ADORA1: variants seen among roughly 807,000 people sequenced by gnomAD.
The protein encoded by ADORA1 is adenosine receptor A1.
Under a neutral mutation model 19.9 loss-of-function variants are expected in ADORA1, and 6 were observed. That is an observed-to-expected ratio of 0.30 (90% CI 0.17 to 0.59). The LOEUF (loss-of-function observed/expected upper bound fraction) is 0.59, where lower values mean the gene tolerates loss of function less well. ADORA1 is among the 20% of genes least tolerant of loss of function. The pLI is 0.87. For synonymous variants in ADORA1, 194 were observed against 188.4 expected (o/e 1.03, Z -0.24); for missense variants, 302 against 439.2 (o/e 0.69, Z 2.79).
At chr1:203,162,036 CG>C (rs1655387915) in intron 3 of ADORA1, among the ~76,000 whole-genome samples, 1 of 152,188 alleles carries the variant, frequency 6.6e-6, no homozygotes. Context: ...GCACAGCCCT[CG>C]GGGATGCTGT....
intron 3 of ADORA1, among the ~76,000 whole-genome samples, chr1:203,138,601 C>T (rs1275209187): frequency 2.0e-5 from 3 of 152,084 alleles, no homozygotes; most frequent in Admixed American, 6.5e-5. Flanking sequence ...GAATTACCAG[C>T]GGATTTTGCA....
At chr1:203,163,901 G>T (rs1655450356) in intron 3 of ADORA1, among the ~76,000 whole-genome samples, 1 of 152,152 alleles carries the variant, frequency 6.6e-6, no homozygotes, top group Non-Finnish European at 1.5e-5. Context: ...CACACTCCTG[G>T]GTCTCAGGAG....
intron 3 of ADORA1, among the ~76,000 whole-genome samples, chr1:203,151,126 G>A (rs1287543576): frequency 6.6e-6 from 1 of 152,176 alleles, no homozygotes; most frequent in Non-Finnish European, 1.5e-5. Flanking sequence ...CCCTGCAAGC[G>A]TTCAGGGTTC....
chr1:203,150,582 G>T (rs910915276), intron 3 of ADORA1: 3 of 1,275,764 alleles, frequency 2.4e-6, no homozygotes, highest in Non-Finnish European at 3.1e-6. Context: ...CTGGTTGCAA[G>T]GTGGGGAGAA....
rs186948066 is a variant in ADORA1, at chr1:203,148,948, G to C, written c.342-16313G>C. Among the ~76,000 whole-genome samples, 3 of 152,106 alleles carry C rather than the reference G, an allele frequency of 2.0e-5. No homozygotes were observed. In the East Asian group the frequency reaches 5.8e-4, roughly 29 times the overall value. Reference sequence around the variant, plus strand: ...GCTGGAGTGCAATGGCATGATTTCGGCTCACTGCAACCTCCGCCGCCCGGG... The same window carrying C: ...GCTGGAGTGCAATGGCATGATTTCGCCTCACTGCAACCTCCGCCGCCCGGG... On this transcript the variant is annotated intron_variant, in intron 3 of 3. Coordinates refer to ENST00000337894, the MANE Select transcript of ADORA1 (RefSeq NM_000674.3).
At chr1:203,149,675 C>T (rs1053225573) in intron 3 of ADORA1, among the ~76,000 whole-genome samples, 20 of 152,146 alleles carry the variant, frequency 1.3e-4, no homozygotes, top group African/African-American at 4.6e-4. Context: ...CTGTAGAAGG[C>T]CCCTCAGCTG....
intron 3 of ADORA1, among the ~76,000 whole-genome samples, chr1:203,156,229 G>A (rs537353283): frequency 1.4e-4 from 22 of 152,286 alleles, no homozygotes; most frequent in Middle Eastern, 3.4e-3. Context: ...AGATAGGGGG[G>A]AAGAGAGGGT....
At chr1:203,162,835 T>C (rs1380346392) in intron 3 of ADORA1, among the ~76,000 whole-genome samples, 1 of 152,142 alleles carries the variant, frequency 6.6e-6, no homozygotes, top group African/African-American at 2.4e-5. Flanking sequence ...TTGTAAATGA[T>C]AAATGTGGTA....
intron 3 of ADORA1, 31 bp downstream of exon 3, chr1:203,129,213 C>G: frequency 6.3e-7 from 1 of 1,579,748 alleles, no homozygotes; most frequent in Non-Finnish European, 8.6e-7. Flanking sequence ...GTACTCGCAG[C>G]ACCACATGAT....
chr1:203,154,130 T>C (rs6677137), intron 3 of ADORA1, among the ~76,000 whole-genome samples: 67,057 of 152,032 alleles, frequency 0.44, 15,163 homozygotes, highest in African/African-American at 0.53. Context: ...CGGCCAGGCC[T>C]GAGGACCCTG....
rs1454844147 is a variant in ADORA1, at chr1:203,129,117, G to T, written c.276G>T (p.Gln92His). The T allele has an allele frequency of 1.2e-6, 2 of 1,614,034 alleles. No homozygotes were observed. Among genetic ancestry groups the T allele is most frequent in the African/African-American group, 2.7e-5 (2 of 74,918 alleles). ...MVACPVLILTQSSILALLAIA... is the reference protein window; with the variant it reads ...MVACPVLILTHSSILALLAIA... ...CCTGTCCGGTCCTCATCCTCACCCA[G>T]AGCTCCATCCTGGCCCTGCTGGCAA... is the stretch of plus-strand genomic sequence containing the variant. Residue 92 changes from glutamine (Q) to histidine (H), a missense_variant, in exon 3 of 4, where the codon CAG becomes CAT. Coordinates refer to ENST00000337894, the MANE Select transcript of ADORA1 (RefSeq NM_000674.3).
chr1:203,140,564 C>T (rs1352793485), intron 3 of ADORA1, among the ~76,000 whole-genome samples: 3 of 152,104 alleles, frequency 2.0e-5, no homozygotes, highest in Admixed American at 6.5e-5. Context: ...GCTCTCCTCC[C>T]CTGGTGTGGT....
At position 203,146,692 on chromosome 1, in the gene ADORA1, T is replaced by G. The variant is rs118095742; in HGVS notation, c.341+17510T>G. Among the ~76,000 whole-genome samples, 321 of 151,806 alleles carry G rather than the reference T, an allele frequency of 2.1e-3. 7 individuals are homozygous for G. In the East Asian group the frequency reaches 0.023, roughly 11 times the overall value. On this transcript the variant is annotated intron_variant, in intron 3 of 3. Coordinates refer to ENST00000337894, the MANE Select transcript of ADORA1 (RefSeq NM_000674.3). ...TTGCAGATAACAGAGAAATCAGCACTGGCCAAGCTAAGAGGTCTGAGATTT... is the reference window on the plus strand; with the variant it reads ...TTGCAGATAACAGAGAAATCAGCACGGGCCAAGCTAAGAGGTCTGAGATTT...
intron 3 of ADORA1, chr1:203,149,944 C>T (rs1654978690): frequency 6.6e-6 from 1 of 152,062 alleles, no homozygotes; most frequent in Non-Finnish European, 1.5e-5. Context: ...ATTTCCTTCC[C>T]CAAATATTAT....
intron 3 of ADORA1, among the ~76,000 whole-genome samples, chr1:203,145,415 G>A (rs1654828589): frequency 6.6e-6 from 1 of 152,206 alleles, no homozygotes; most frequent in African/African-American, 2.4e-5. Context: ...GTTAGTAAAT[G>A]GGAATGGCAG....
At chr1:203,162,590 C>A (rs943179007) in intron 3 of ADORA1, among the ~76,000 whole-genome samples, 2 of 152,278 alleles carry the variant, frequency 1.3e-5, no homozygotes, top group African/African-American at 4.8e-5. Context: ...CTTCCTTGGG[C>A]AGAGTCTTGA....
At chr1:203,162,831 A>G (rs1368543229) in intron 3 of ADORA1, among the ~76,000 whole-genome samples, 1 of 152,168 alleles carries the variant, frequency 6.6e-6, no homozygotes, top group African/African-American at 2.4e-5. Context: ...GGATTTGTAA[A>G]TGATAAATGT....
chr1:203,146,121 G>C (rs1654850536), intron 3 of ADORA1, among the ~76,000 whole-genome samples: 1 of 152,110 alleles, frequency 6.6e-6, no homozygotes, highest in African/African-American at 2.4e-5. Flanking sequence ...GCAGTCTGGT[G>C]GGGGAGGGGT....
intron 3 of ADORA1, among the ~76,000 whole-genome samples, chr1:203,132,261 T>C (rs148671609): frequency 6.6e-6 from 1 of 152,270 alleles, no homozygotes; most frequent in Non-Finnish European, 1.5e-5. Flanking sequence ...ATTTGTCCCT[T>C]AACCCCTCAC....
Sources: gnomAD v4.1 joint callset for allele counts (sites outside exome capture counted in the v4.1 genomes callset) on GRCh38, gnomAD v4.1.1 for gene constraint, MANE v1.5 for transcripts, NCBI Gene and HGNC (gene_info 2026-07-23, HGNC 2026-07-21) for gene names.